The following MSRA variants were observed in gnomAD, a reference collection of about 807,000 sequenced individuals.
The protein encoded by MSRA is methionine sulfoxide reductase A.
A neutral mutation model predicts 31.3 loss-of-function variants in MSRA; 54 were observed. That is an observed-to-expected ratio of 1.73 (90% CI 1.39 to 2.17). MSRA has a LOEUF of 2.17. Among genes scored for constraint, MSRA ranks in the 30% most tolerant of loss-of-function variants. The pLI, the probability that MSRA is intolerant of heterozygous loss-of-function variation, is 0.00. For missense variants in MSRA, 507 were observed against 300.9 expected, an observed-to-expected ratio of 1.69 and a Z score of -5.07; for synonymous variants, 169 against 116.5, an observed-to-expected ratio of 1.45 and a Z score of -2.90.
At chr8:10,133,136 T>TA (rs1360760759) in intron 1 of MSRA, among the ~76,000 whole-genome samples, 2 of 152,100 alleles carry the variant, frequency 1.3e-5, no homozygotes, top group Non-Finnish European at 1.5e-5. Context: ...CAATTGTTGA[T>TA]GAGGTATATA....
At chr8:10,281,455 TG>T (rs1212096292) in intron 3 of MSRA, among the ~76,000 whole-genome samples, 2 of 152,222 alleles carry the variant, frequency 1.3e-5, no homozygotes, top group African/African-American at 2.4e-5. Context: ...ATAAACCCAC[TG>T]GGATGGCACA....
At chr8:10,181,163 T>C (rs1353788263) in intron 1 of MSRA, among the ~76,000 whole-genome samples, 1 of 152,206 alleles carries the variant, frequency 6.6e-6, no homozygotes, top group Admixed American at 6.5e-5. Context: ...TGTAAGCAGA[T>C]ATATTATAAT....
chr8:10,161,611 A>G (rs1362373114), intron 1 of MSRA, among the ~76,000 whole-genome samples: 1 of 152,224 alleles, frequency 6.6e-6, no homozygotes, highest in African/African-American at 2.4e-5. Context: ...AAATGGTGAT[A>G]CTGAAAGTCC....
intron 3 of MSRA, among the ~76,000 whole-genome samples, chr8:10,270,407 GAAAA>G (rs58968857): frequency 4.8e-5 from 7 of 145,606 alleles, no homozygotes; most frequent in Admixed American, 1.4e-4. Flanking sequence ...GAAGCATACT[GAAAA>G]AAAAAAAAAA....
intron 4 of MSRA, among the ~76,000 whole-genome samples, chr8:10,315,394 G>A (rs1488391307): frequency 6.6e-6 from 1 of 152,196 alleles, no homozygotes; most frequent in Non-Finnish European, 1.5e-5. Context: ...GACTCTCAAG[G>A]GTACTTGGCT....
intron 5 of MSRA, among the ~76,000 whole-genome samples, chr8:10,405,448 C>T (rs375208334): frequency 2.0e-5 from 3 of 152,216 alleles, no homozygotes; most frequent in Admixed American, 6.5e-5. Context: ...GGAAGATGAG[C>T]TCTCTGCCAG....
chr8:10,107,655 T>A (rs1799982357), intron 1 of MSRA, among the ~76,000 whole-genome samples: 1 of 152,208 alleles, frequency 6.6e-6, no homozygotes, highest in African/African-American at 2.4e-5. Flanking sequence ...ACATGCTGTT[T>A]AAATAAAGAA....
chr8:10,184,429 C>A (rs1320670996), intron 1 of MSRA, among the ~76,000 whole-genome samples: 1 of 151,754 alleles, frequency 6.6e-6, no homozygotes, highest in Admixed American at 6.6e-5. Flanking sequence ...TACTTTCTCT[C>A]TAGATGTAAA....
chr8:10,262,845 A>T lies in MSRA; in HGVS notation c.331+17622A>T, dbSNP rs75971135. On this transcript the variant is annotated intron_variant, in intron 3 of 5. Coordinates refer to ENST00000317173, the MANE Select transcript of MSRA (RefSeq NM_012331.5). ...TGCATGCCCGAATGTTGGCACTCAC[A>T]CCTTTCTTGTTCACTTGCTTCTATT... Among the ~76,000 whole-genome samples, 509 of 152,226 alleles carry T rather than the reference A, an allele frequency of 3.3e-3. 1 individual carries two copies. The highest frequency in any genetic ancestry group is 0.012 in the African/African-American group (488 of 41,532).
At chr8:10,237,372 C>A (rs190154716) in intron 2 of MSRA, among the ~76,000 whole-genome samples, 1 of 152,288 alleles carries the variant, frequency 6.6e-6, no homozygotes, top group East Asian at 1.9e-4. Context: ...ATTTATCTTT[C>A]TATTGACATT....
At chr8:10,155,240 T>C in intron 1 of MSRA, among the ~76,000 whole-genome samples, 1 of 152,106 alleles carries the variant, frequency 6.6e-6, no homozygotes, top group Non-Finnish European at 1.5e-5. Flanking sequence ...TTTGTGTTTA[T>C]TTAGGAGAGA....
chr8:10,403,426 C>T (rs1483850198), intron 5 of MSRA, among the ~76,000 whole-genome samples: 1 of 152,186 alleles, frequency 6.6e-6, no homozygotes, highest in Non-Finnish European at 1.5e-5. Flanking sequence ...GGGATCCCTT[C>T]TCCAGGGCCA....
intron 1 of MSRA, among the ~76,000 whole-genome samples, chr8:10,062,425 A>G (rs1412171956): frequency 6.6e-6 from 1 of 152,210 alleles, no homozygotes; most frequent in African/African-American, 2.4e-5. Flanking sequence ...GAGCATCACA[A>G]TATTCATCGA....
intron 1 of MSRA, among the ~76,000 whole-genome samples, chr8:10,139,037 T>G (rs1020507887): frequency 6.6e-6 from 1 of 152,294 alleles, no homozygotes; most frequent in South Asian, 2.1e-4. Flanking sequence ...TCTTTTGAGA[T>G]CTAAGATTCT....
intron 3 of MSRA, among the ~76,000 whole-genome samples, chr8:10,256,419 G>C (rs952451217): frequency 1.3e-5 from 2 of 152,164 alleles, no homozygotes; most frequent in South Asian, 4.1e-4. Flanking sequence ...TACGGATGAA[G>C]CTGCTGTCAA....
chr8:10,106,305 C>T (rs1799877216), intron 1 of MSRA, among the ~76,000 whole-genome samples: 1 of 152,150 alleles, frequency 6.6e-6, no homozygotes, highest in African/African-American at 2.4e-5. Flanking sequence ...GAGTGAGCCT[C>T]CCTTCAGCAT....
chr8:10,399,359 G>C (rs1158322926), intron 5 of MSRA, among the ~76,000 whole-genome samples: 1 of 152,180 alleles, frequency 6.6e-6, no homozygotes, highest in South Asian at 2.1e-4. Flanking sequence ...TCCAGTGTTG[G>C]CGGTGGGCCT....
chr8:10,091,229 C>A (rs963630623), intron 1 of MSRA, among the ~76,000 whole-genome samples: 1 of 152,066 alleles, frequency 6.6e-6, no homozygotes, highest in African/African-American at 2.4e-5. Context: ...CGATATTGGT[C>A]TGTAGTGCTT....
At chr8:10,408,202 A>G (rs6999466) in intron 5 of MSRA, among the ~76,000 whole-genome samples, 47,640 of 151,982 alleles carry the variant, frequency 0.31, 7,942 homozygotes, top group Non-Finnish European at 0.38. Context: ...AGCATCATTC[A>G]TTAGCACCAC....
Sources: allele counts gnomAD v4.1 joint callset (sites outside exome capture counted in the v4.1 genomes callset), GRCh38; gene constraint gnomAD v4.1.1; transcripts MANE v1.5; gene names NCBI Gene and HGNC (gene_info 2026-07-23, HGNC 2026-07-21).